The following DLG2 variants were observed in gnomAD, a reference collection of about 807,000 sequenced individuals.
The protein encoded by DLG2 is disks large homolog 2.
DLG2 carries 45 observed loss-of-function variants against 132.5 expected under a neutral mutation model. That is an observed-to-expected ratio of 0.34 (90% confidence interval 0.27 to 0.44). The LOEUF (loss-of-function observed/expected upper bound fraction) is 0.44, where lower values mean the gene tolerates loss of function less well. Among genes scored for constraint, DLG2 ranks in the 20% least tolerant of loss-of-function variants. The probability of loss-of-function intolerance (pLI) is 1.00; values close to 1 mark genes in which losing one functional copy is unlikely to be tolerated. For missense variants in DLG2, 1,045 were observed against 1,196.9 expected, an observed-to-expected ratio of 0.87 and a Z score of 1.87; for synonymous variants, 424 against 419.6, an observed-to-expected ratio of 1.01 and a Z score of -0.13.
intron 18 of DLG2, among the ~76,000 whole-genome samples, chr11:83,657,584 G>A (rs992847765): frequency 2.3e-5 from 3 of 131,864 alleles, no homozygotes; most frequent in Non-Finnish European, 3.1e-5. Context: ...TGTCACCCAG[G>A]CTGCAGTGCA....
rs1011426648 is a variant in DLG2 at position 84,527,182 on chromosome 11, G to C, written c.519+7388C>G. Reference sequence around the variant, plus strand: ...AGAATAAGGCATATTTTAAAATGATGACTATGTGGGATGCACTAACTCCTT... The same window carrying C: ...AGAATAAGGCATATTTTAAAATGATCACTATGTGGGATGCACTAACTCCTT... On this transcript the variant is annotated intron_variant, in intron 7 of 27. Coordinates refer to ENST00000376104, the MANE Select transcript of DLG2 (RefSeq NM_001142699.3). 8.5e-5 allele frequency among the ~76,000 whole-genome samples: 13 copies of C among 152,190 alleles called. 1 individual carries two copies. The highest frequency in any genetic ancestry group is 7.2e-4 in the Admixed American group (11 of 15,286).
intron 21 of DLG2, among the ~76,000 whole-genome samples, chr11:83,520,601 A>G (rs2095439601): frequency 6.6e-6 from 1 of 152,114 alleles, no homozygotes; most frequent in South Asian, 2.1e-4. Flanking sequence ...GTAGATAGAT[A>G]GAAAGACAGA....
In DLG2 at chr11:84,268,786, T is replaced by C. The variant is rs190570930; in HGVS notation, c.520-17495A>G. 2.0e-3 allele frequency among the ~76,000 whole-genome samples: 298 copies of C among 152,100 alleles called. 2 individuals carry two copies. Among genetic ancestry groups the C allele is most frequent in the African/African-American group, 6.9e-3 (288 of 41,500 alleles). ...CATCTCTTTTTTACAGTTTGTAAAA[T>C]GGAGATGATAGTACCTACATCAGAA... On this transcript the variant is annotated intron_variant, in intron 7 of 27. Coordinates refer to ENST00000376104, the MANE Select transcript of DLG2 (RefSeq NM_001142699.3).
chr11:84,115,250 T>C (rs2093577317), intron 9 of DLG2, among the ~76,000 whole-genome samples: 1 of 152,186 alleles, frequency 6.6e-6, no homozygotes, highest in South Asian at 2.1e-4. Context: ...TCAAAATCTA[T>C]TCATTGGTAT....
intron 11 of DLG2, among the ~76,000 whole-genome samples, chr11:84,021,236 T>C (rs1293698856): frequency 6.6e-6 from 1 of 152,086 alleles, no homozygotes; most frequent in East Asian, 1.9e-4. Flanking sequence ...ACAGAAAAAG[T>C]AACTGAGACT....
At chr11:84,856,621 T>C (rs531907222) in intron 6 of DLG2, among the ~76,000 whole-genome samples, 1 of 152,244 alleles carries the variant, frequency 6.6e-6, no homozygotes, top group East Asian at 1.9e-4. Context: ...TCATTTTAAT[T>C]TTCTCATGGC....
intron 7 of DLG2, among the ~76,000 whole-genome samples, chr11:84,375,067 G>C (rs1429884157): frequency 1.3e-5 from 2 of 152,100 alleles, no homozygotes; most frequent in Non-Finnish European, 2.9e-5. Context: ...ACTACCTCGA[G>C]AAACTCTGTC....
chr11:84,497,677 A>G (rs1332891753), intron 7 of DLG2, among the ~76,000 whole-genome samples: 2 of 152,212 alleles, frequency 1.3e-5, no homozygotes, highest in Non-Finnish European at 2.9e-5. Context: ...TTTGGGAACC[A>G]TGGAATTCAT....
intron 3 of DLG2, among the ~76,000 whole-genome samples, chr11:85,485,151 A>C (rs1003314847): frequency 2.0e-5 from 3 of 151,752 alleles, no homozygotes; most frequent in Non-Finnish European, 4.4e-5. Context: ...GAATTGAACA[A>C]TGAGAACACA....
chr11:84,218,279 GAGAGAGAA>G (rs1036736149), intron 8 of DLG2, among the ~76,000 whole-genome samples: 6 of 142,180 alleles, frequency 4.2e-5, no homozygotes, highest in Non-Finnish European at 7.5e-5. Flanking sequence ...GAAAAAGGGA[GAGAGAGAA>G]AGAGAGAAAG....
chr11:84,465,707 C>A (rs1467369533), intron 7 of DLG2, among the ~76,000 whole-genome samples: 1 of 151,178 alleles, frequency 6.6e-6, no homozygotes, highest in African/African-American at 2.4e-5. Context: ...ACTCTGTGTT[C>A]TTAATATTTA....
At chr11:84,355,782 A>G (rs929451761) in intron 7 of DLG2, among the ~76,000 whole-genome samples, 2 of 152,116 alleles carry the variant, frequency 1.3e-5, no homozygotes, top group Non-Finnish European at 2.9e-5. Flanking sequence ...TTGTATAAAA[A>G]TCGTGCCAAA....
chr11:85,621,391 T>A (rs963451946), intron 2 of DLG2, among the ~76,000 whole-genome samples: 2 of 152,226 alleles, frequency 1.3e-5, no homozygotes, highest in African/African-American at 4.8e-5. Flanking sequence ...TCAAGCCTTA[T>A]TATTTAAGAA....
intron 6 of DLG2, among the ~76,000 whole-genome samples, chr11:84,577,256 G>A (rs2099503060): frequency 6.6e-6 from 1 of 152,132 alleles, no homozygotes; most frequent in South Asian, 2.1e-4. Flanking sequence ...TGGTAAATTG[G>A]TAACAGAAGT....
At chr11:83,552,754 C>T (rs2096422293) in intron 19 of DLG2, among the ~76,000 whole-genome samples, 1 of 152,176 alleles carries the variant, frequency 6.6e-6, no homozygotes, top group Non-Finnish European at 1.5e-5. Context: ...CTTGTAGACA[C>T]ACATGACCAC....
intron 6 of DLG2, among the ~76,000 whole-genome samples, chr11:84,675,464 A>G (rs1266477784): frequency 1.3e-5 from 2 of 152,070 alleles, no homozygotes; most frequent in African/African-American, 4.8e-5. Flanking sequence ...GAAGTATAAA[A>G]TTTCACAAGT....
chr11:83,870,893 A>T (rs2063312381), intron 16 of DLG2, among the ~76,000 whole-genome samples: 1 of 152,164 alleles, frequency 6.6e-6, no homozygotes, highest in African/African-American at 2.4e-5. Flanking sequence ...TGTGGGTGGC[A>T]ACTCGGGAGA....
chr11:83,501,467 G>A (rs1380243280), intron 21 of DLG2, among the ~76,000 whole-genome samples: 1 of 151,960 alleles, frequency 6.6e-6, no homozygotes, highest in African/African-American at 2.4e-5. Flanking sequence ...GAGGAGACCT[G>A]GTTCTCCAGT....
intron 3 of DLG2, among the ~76,000 whole-genome samples, chr11:85,467,482 C>T (rs1191752648): frequency 6.6e-6 from 1 of 152,062 alleles, no homozygotes; most frequent in Non-Finnish European, 1.5e-5. Context: ...GAGATATGTC[C>T]CATCAATACC....
Sources: allele counts gnomAD v4.1 joint callset (sites outside exome capture counted in the v4.1 genomes callset), GRCh38; gene constraint gnomAD v4.1.1; transcripts MANE v1.5; gene names NCBI Gene and HGNC (gene_info 2026-07-23, HGNC 2026-07-21).